The following WNK1 variants were observed in gnomAD, a reference collection of about 807,000 sequenced individuals.
WNK1 encodes WNK lysine deficient protein kinase 1.
A neutral mutation model predicts 222.8 loss-of-function variants in WNK1; 38 were observed. That is an observed-to-expected ratio of 0.17 (90% CI 0.13 to 0.22). The LOEUF is 0.22. Among genes scored for constraint, WNK1 ranks in the 10% least tolerant of loss-of-function variants. The pLI is 1.00. For missense variants in WNK1, 2,348 were observed against 2,918.4 expected, an observed-to-expected ratio of 0.80 and a Z score of 4.50; for synonymous variants, 1,090 against 1,092.9, an observed-to-expected ratio of 1.00 and a Z score of 0.05.
intron 1 of WNK1, among the ~76,000 whole-genome samples, chr12:804,989 T>C (rs1946244913): frequency 6.7e-6 from 1 of 148,998 alleles, no homozygotes. Flanking sequence ...TTAAATAATA[T>C]TCCTTTATAT....
chr12:792,112 C>T (rs61916740), intron 1 of WNK1, among the ~76,000 whole-genome samples: 8,492 of 151,924 alleles, frequency 0.056, 312 homozygotes, highest in Middle Eastern at 0.1. Context: ...ACGCTAGCCC[C>T]GCAAAAGTGA....
chr12:767,885 G>A (rs1941972327), intron 1 of WNK1, among the ~76,000 whole-genome samples: 1 of 151,990 alleles, frequency 6.6e-6, no homozygotes, highest in Admixed American at 6.6e-5. Context: ...CATGGAATCT[G>A]CTACTCCCTT....
intron 1 of WNK1, among the ~76,000 whole-genome samples, chr12:793,020 CCTT>C (rs1944991374): frequency 6.6e-6 from 1 of 152,092 alleles, no homozygotes; most frequent in Non-Finnish European, 1.5e-5. Flanking sequence ...CATGTGGACA[CCTT>C]AGCCTGGTAA....
At chr12:839,742 G>T (rs1035045166) in intron 4 of WNK1, among the ~76,000 whole-genome samples, 1 of 151,866 alleles carries the variant, frequency 6.6e-6, no homozygotes, top group African/African-American at 2.4e-5. Flanking sequence ...TTTTGAGACA[G>T]AGTCTTACTC....
chr12:906,597 T>A, intron 26 of WNK1: 1 of 985,358 alleles, frequency 1.0e-6, no homozygotes, highest in South Asian at 4.7e-5. Context: ...TACAGTCCTT[T>A]CCTCATGAAT....
rs142742497 is a variant in WNK1, at chr12:824,686, A to G, written c.933-2356A>G. Among the ~76,000 whole-genome samples, 443 of 152,282 alleles carry G rather than the reference A, an allele frequency of 2.9e-3. 1 individual carries two copies. The highest frequency in any genetic ancestry group is 0.01 in the African/African-American group (428 of 41,560). ...GAATAGTTAAAAAAAAGAGAGAAGT[A>G]ATATAAAGTTCATAGTAGGATAAGA... On this transcript the variant is annotated intron_variant, in intron 2 of 27. Transcript: ENST00000315939.
chr12:784,117 A>T (rs1174428040), intron 1 of WNK1, among the ~76,000 whole-genome samples: 2 of 151,524 alleles, frequency 1.3e-5, no homozygotes, highest in Non-Finnish European at 2.9e-5. Flanking sequence ...GCTACCTGGG[A>T]GGCTGAGGTG....
At position 837,692 on chromosome 12, in the gene WNK1, A is replaced by G. The variant is rs116599469; in HGVS notation, c.1311+7532A>G. ...CTAAGTTAGGTTTTCAGTCTTGTCT[A>G]CCTGTTAAGTTAGGTTGCAATTAGT... On this transcript the variant is annotated intron_variant, in intron 4 of 27. Transcript: ENST00000315939. Among the ~76,000 whole-genome samples, 609 of 152,104 alleles carry G rather than the reference A, an allele frequency of 4.0e-3. 4 individuals carry two copies. The highest frequency in any genetic ancestry group is 0.031 in the South Asian group (151 of 4,816).
Position 754,006 on chromosome 12 carries a change from C to A in WNK1, c.441C>A (p.Ala147=). 5 of 1,586,850 alleles carry A rather than the reference C, an allele frequency of 3.2e-6. No individual in the cohort carries two copies. The highest frequency in any genetic ancestry group is 4.3e-6 in the Non-Finnish European group (5 of 1,167,062). The change falls in exon 1 of 28, where the codon GCC becomes GCA. Residue 147 remains alanine, a synonymous_variant. Coordinates refer to ENST00000315939, the MANE Select transcript of WNK1 (RefSeq NM_018979.4). ...CCGCTGCCGCCCCTGGGGAACAGGC[C>A]GTCGCGGGCCCTGCCCCCTCGACTG... is the stretch of plus-strand genomic sequence containing the variant. ...PPAAAAPGEQ[A]VAGPAPSTVP...
chr12:890,539 T>C (rs2154090161), intron 22 of WNK1, 26 bp downstream of exon 22: 1 of 1,613,190 alleles, frequency 6.2e-7, no homozygotes, highest in South Asian at 1.1e-5. Context: ...CCTCCTTTTA[T>C]ATTACTAATT....
intron 27 of WNK1, 38 bp downstream of exon 27, chr12:908,072 C>A (rs919453241): frequency 1.9e-6 from 3 of 1,607,642 alleles, no homozygotes; most frequent in Non-Finnish European, 2.6e-6. Context: ...CCGTAACACA[C>A]ATCTGAGTCA....
At position 861,137 on chromosome 12, in the gene WNK1, A is replaced by G; in HGVS notation, c.1745A>G (p.Lys582Arg). 7 of 1,614,060 alleles carry G rather than the reference A, an allele frequency of 4.3e-6. No individual in the cohort carries two copies. The highest frequency in any genetic ancestry group is 5.9e-6 in the Non-Finnish European group (7 of 1,179,988). Residue 582 changes from lysine to arginine, a missense_variant, in exon 7 of 28, where the codon AAA becomes AGA. By Grantham distance (26) the Lys-to-Arg change is conservative. Around this residue, in one of 13 missense-constraint regions of WNK1, gnomAD observed 103 missense variants for 111.5 expected, o/e 0.92. Coordinates refer to ENST00000315939, the MANE Select transcript of WNK1 (RefSeq NM_018979.4). ...RQLVREEQEK[K>R]KQEESSLKQQ... Reference sequence around the variant, plus strand: ...TTGGTACGGGAGGAGCAAGAAAAAAAAAAGCAGGAAGAGAGCAGTCTCAAA... The same window carrying G: ...TTGGTACGGGAGGAGCAAGAAAAAAGAAAGCAGGAAGAGAGCAGTCTCAAA...
intron 1 of WNK1, among the ~76,000 whole-genome samples, chr12:765,733 AC>A (rs1427174668): frequency 1.2e-4 from 19 of 152,092 alleles, no homozygotes; most frequent in African/African-American, 4.6e-4. Flanking sequence ...GGAGTTTAAG[AC>A]TAGGCTGGGC....
At chr12:886,969 T>TA (rs1270640515) in intron 19 of WNK1, among the ~76,000 whole-genome samples, 1 of 152,208 alleles carries the variant, frequency 6.6e-6, no homozygotes, top group African/African-American at 2.4e-5. Flanking sequence ...CTGTTCTCCC[T>TA]AGGGGACAAC....
At chr12:862,974 A>G (rs946767090) in intron 8 of WNK1, among the ~76,000 whole-genome samples, 1 of 152,218 alleles carries the variant, frequency 6.6e-6, no homozygotes, top group Non-Finnish European at 1.5e-5. Flanking sequence ...TGTGTTTTAC[A>G]TTAGACACTC....
intron 4 of WNK1, among the ~76,000 whole-genome samples, chr12:850,947 G>A (rs145686762): frequency 6.6e-6 from 1 of 152,060 alleles, no homozygotes; most frequent in South Asian, 2.1e-4. Flanking sequence ...TTTGGTACCA[G>A]TACCATGCTG....
intron 8 of WNK1, 105 bp from the exon 9 acceptor site, chr12:871,160 G>T: frequency 9.0e-7 from 1 of 1,107,394 alleles, no homozygotes; most frequent in South Asian, 1.3e-5. Flanking sequence ...GTTTCATTTT[G>T]ATCAAGCAAA....
At chr12:769,283 C>T (rs1450968578) in intron 1 of WNK1, among the ~76,000 whole-genome samples, 1 of 152,108 alleles carries the variant, frequency 6.6e-6, no homozygotes, top group Non-Finnish European at 1.5e-5. Flanking sequence ...ACTGCAACCT[C>T]CGCCTCCTGG....
chr12:869,307 C>T, intron 8 of WNK1: 3 of 693,010 alleles, frequency 4.3e-6, no homozygotes, highest in Non-Finnish European at 4.9e-6. Flanking sequence ...CCTGATTTAC[C>T]TATTATATGT....
Sources: gnomAD v4.1 joint callset for allele counts (sites outside exome capture counted in the v4.1 genomes callset) on GRCh38, gnomAD v4.1.1 for gene constraint, gnomAD v4.1.1 regional missense constraint, MANE v1.5 for transcripts, NCBI Gene and HGNC (gene_info 2026-07-23, HGNC 2026-07-21) for gene names.